The following PEBP4 variants were observed in gnomAD, a reference collection of about 807,000 sequenced individuals.
The protein encoded by PEBP4 is phosphatidylethanolamine binding protein 4.
PEBP4 carries 22 observed loss-of-function variants against 23.9 expected under a neutral mutation model. The observed-to-expected ratio is 0.92, with a 90% CI of 0.66 to 1.31. PEBP4 has a LOEUF of 1.31. PEBP4 is among the 40% of genes most tolerant of loss of function. The pLI is 0.00. For missense variants in PEBP4, 324 were observed against 281.7 expected (o/e 1.15, Z -1.07); for synonymous variants, 112 against 99.3 (o/e 1.13, Z -0.76).
intron 4 of PEBP4, chr8:22,745,532 A>G (rs1268977587): frequency 6.6e-6 from 1 of 152,204 alleles, no homozygotes; most frequent in Non-Finnish European, 1.5e-5. Flanking sequence ...CTCAGTCTCA[A>G]GTGTACTACT....
At chr8:22,718,438 G>A (rs1308738757) in intron 6 of PEBP4, among the ~76,000 whole-genome samples, 2 of 152,224 alleles carry the variant, frequency 1.3e-5, no homozygotes, top group Admixed American at 6.5e-5. Flanking sequence ...GTTTCTTCAC[G>A]ATGTGTTCAA....
chr8:22,830,490 C>A (rs1392339648), intron 3 of PEBP4, among the ~76,000 whole-genome samples: 1 of 152,164 alleles, frequency 6.6e-6, no homozygotes, highest in African/African-American at 2.4e-5. Flanking sequence ...TCAGGAACAT[C>A]AACCCACAGC....
chr8:22,850,110 T>A (rs1204507842), intron 3 of PEBP4, among the ~76,000 whole-genome samples: 1 of 151,468 alleles, frequency 6.6e-6, no homozygotes, highest in Non-Finnish European at 1.5e-5. Context: ...ATCCTACTCT[T>A]TAAGAAAAAA....
intron 3 of PEBP4, among the ~76,000 whole-genome samples, chr8:22,869,991 G>T (rs80163649): frequency 3.7e-4 from 56 of 152,246 alleles, no homozygotes; most frequent in South Asian, 2.3e-3. Context: ...TTCAAAGACA[G>T]TTTGGCAGTT....
rs906666610 is a variant in PEBP4, at chr8:22,937,624, A to T, written c.145-9904T>A. On this transcript the variant is annotated intron_variant, in intron 1 of 1. Coordinates refer to the PEBP4 transcript ENST00000522278. ...AATCTTGTGGGACCCCAAATAGTCAAAACAGTCTTGAAAAGAAAACATAGT... is the reference window on the plus strand; with the variant it reads ...AATCTTGTGGGACCCCAAATAGTCATAACAGTCTTGAAAAGAAAACATAGT... 5.9e-5 allele frequency among the ~76,000 whole-genome samples: 9 copies of T among 152,230 alleles called. No homozygotes were observed. In the East Asian group the frequency reaches 1.7e-3, roughly 29 times the overall value.
intron 4 of PEBP4, among the ~76,000 whole-genome samples, chr8:22,758,589 G>A (rs1297993386): frequency 3.9e-5 from 6 of 152,184 alleles, no homozygotes; most frequent in Non-Finnish European, 5.9e-5. Flanking sequence ...GCACTTGCCT[G>A]GCTGTATGCT....
At chr8:22,878,889 A>G (rs925138327) in intron 3 of PEBP4, among the ~76,000 whole-genome samples, 3 of 152,182 alleles carry the variant, frequency 2.0e-5, no homozygotes, top group African/African-American at 7.2e-5. Flanking sequence ...GGGCATCCAG[A>G]ATGATGTTGG....
intron 3 of PEBP4, among the ~76,000 whole-genome samples, chr8:22,825,012 A>G (rs1007393997): frequency 2.0e-5 from 3 of 152,210 alleles, no homozygotes; most frequent in Non-Finnish European, 4.4e-5. Context: ...TTTACCCTAG[A>G]TCTCCTCTCT....
At chr8:22,744,030 G>C (rs1805056786) in intron 4 of PEBP4, among the ~76,000 whole-genome samples, 1 of 152,212 alleles carries the variant, frequency 6.6e-6, no homozygotes, top group Non-Finnish European at 1.5e-5. Context: ...CTGCTGTGCA[G>C]GGAGTATTTT....
chr8:22,751,244 G>C (rs934262304), intron 4 of PEBP4, among the ~76,000 whole-genome samples: 4 of 152,188 alleles, frequency 2.6e-5, no homozygotes, highest in African/African-American at 9.7e-5. Flanking sequence ...TAGGAGAGCA[G>C]AGGAAGAGGC....
chr8:22,899,477 G>A (rs1808667119), intron 3 of PEBP4, among the ~76,000 whole-genome samples: 1 of 152,202 alleles, frequency 6.6e-6, no homozygotes, highest in Non-Finnish European at 1.5e-5. Context: ...CTTTTGCAGG[G>A]GGCAAAAGAA....
intron 3 of PEBP4, among the ~76,000 whole-genome samples, chr8:22,889,535 C>T (rs1468537326): frequency 6.6e-6 from 1 of 152,194 alleles, no homozygotes; most frequent in African/African-American, 2.4e-5. Context: ...GTCGTCAAAG[C>T]ACAGCCAAGC....
At chr8:22,920,410 G>A in intron 2 of PEBP4, 100 bp from the exon 3 acceptor site, 1 of 1,349,282 alleles carries the variant, frequency 7.4e-7, no homozygotes, top group Non-Finnish European at 1.0e-6. Context: ...AAAGTGAAAT[G>A]GGATCAAATC....
At chr8:22,716,687 C>T (rs1315744413) in intron 6 of PEBP4, among the ~76,000 whole-genome samples, 1 of 152,220 alleles carries the variant, frequency 6.6e-6, no homozygotes, top group East Asian at 1.9e-4. Flanking sequence ...CTCCATTGGG[C>T]CAGTTAGGGC....
At chr8:22,779,626 G>C (rs955280375) in intron 4 of PEBP4, among the ~76,000 whole-genome samples, 1 of 152,198 alleles carries the variant, frequency 6.6e-6, no homozygotes. Flanking sequence ...GGAAGGCTGG[G>C]TGGTGTCTCC....
intron 3 of PEBP4, among the ~76,000 whole-genome samples, chr8:22,821,668 A>C (rs774327232): frequency 2.8e-4 from 43 of 151,982 alleles, no homozygotes; most frequent in Non-Finnish European, 5.0e-4. Context: ...TTGGGAACTC[A>C]AAGCGGGACA....
At chr8:22,864,850 C>T (rs1266967873) in intron 3 of PEBP4, among the ~76,000 whole-genome samples, 2 of 152,226 alleles carry the variant, frequency 1.3e-5, no homozygotes, top group South Asian at 2.1e-4. Context: ...TGGGCACCGC[C>T]GAGCGCCAGG....
chr8:22,927,612 G>C lies in PEBP4; in HGVS notation c.103C>G (p.Leu35Val), dbSNP rs749546056. The C allele has an allele frequency of 7.4e-6, 12 of 1,612,450 alleles. No homozygotes were observed. Among genetic ancestry groups the C allele is most frequent in the Non-Finnish European group, 1.0e-5 (12 of 1,179,258 alleles). Residue 35 changes from leucine (L) to valine (V), a missense_variant, in exon 2 of 7, where the codon CTC (leucine) becomes GTC (valine). Leu to Val is a conservative substitution (Grantham distance 32). Coordinates refer to ENST00000256404, the MANE Select transcript of PEBP4 (RefSeq NM_144962.3). Reference protein sequence around the residue: ...DENSPCAHEALLDEDTLFCQG... With the variant: ...DENSPCAHEAVLDEDTLFCQG... ...CAAAAGAGGGTGTCCTCGTCCAAGA[G>C]GGCCTCATGGGCACACGGGCTGTTC...
intron 3 of PEBP4, among the ~76,000 whole-genome samples, chr8:22,840,970 T>C (rs146325400): frequency 4.6e-5 from 7 of 152,378 alleles, no homozygotes; most frequent in African/African-American, 1.7e-4. Flanking sequence ...ACCCTGGATG[T>C]ATAAATTGAT....
Sources: allele counts gnomAD v4.1 joint callset (sites outside exome capture counted in the v4.1 genomes callset), GRCh38; gene constraint gnomAD v4.1.1; transcripts MANE v1.5; gene names NCBI Gene and HGNC (gene_info 2026-07-23, HGNC 2026-07-21).